RAB2A: variants seen among roughly 807,000 people sequenced by gnomAD.
RAB2A encodes ras-related protein Rab-2A.
A neutral mutation model predicts 32.5 loss-of-function variants in RAB2A; 7 were observed. That is an observed-to-expected ratio of 0.22 (90% CI 0.12 to 0.40). The LOEUF is 0.40. RAB2A is among the 10% of genes least tolerant of loss of function. The pLI, the probability that RAB2A is intolerant of heterozygous loss-of-function variation, is 1.00. For missense variants in RAB2A, 108 were observed against 260.7 expected (o/e 0.41, Z 4.03); for synonymous variants, 79 against 85.2 (o/e 0.93, Z 0.40).
intron 2 of RAB2A, among the ~76,000 whole-genome samples, chr8:60,561,806 A>G (rs971712272): frequency 6.6e-6 from 1 of 152,194 alleles, no homozygotes; most frequent in Admixed American, 6.5e-5. Context: ...TCGTAGGAGC[A>G]ATCTGGGTGA....
chr8:60,603,958 C>G (rs1804180875), intron 6 of RAB2A, among the ~76,000 whole-genome samples: 1 of 152,158 alleles, frequency 6.6e-6, no homozygotes, highest in Admixed American at 6.5e-5. Flanking sequence ...GGGTTTGGAT[C>G]TGTGTCCCTG....
At chr8:60,584,022 G>A (rs773591611) in intron 3 of RAB2A, 186 bp from the exon 4 acceptor site, 20 of 508,412 alleles carry the variant, frequency 3.9e-5, no homozygotes, top group Non-Finnish European at 2.9e-5. Flanking sequence ...TGTGCGTCTC[G>A]TTGACTTGAG....
intron 1 of RAB2A, among the ~76,000 whole-genome samples, chr8:60,545,237 A>G (rs1011492360): frequency 3.9e-5 from 6 of 152,202 alleles, no homozygotes; most frequent in Non-Finnish European, 5.9e-5. Context: ...AGAGGACTTA[A>G]TTAGATTCTT....
chr8:60,525,005 T>C (rs1807357661), intron 1 of RAB2A, among the ~76,000 whole-genome samples: 2 of 152,216 alleles, frequency 1.3e-5, no homozygotes, highest in African/African-American at 4.8e-5. Context: ...CTACACCATA[T>C]CAAAAGCTTA....
intron 2 of RAB2A, 159 bp downstream of exon 2, chr8:60,559,082 G>A: frequency 1.8e-6 from 1 of 561,800 alleles, no homozygotes; most frequent in South Asian, 2.4e-5. Flanking sequence ...AATATGTGTA[G>A]TAAAAATAAA....
chr8:60,583,024 T>C (rs1803787176), intron 3 of RAB2A, among the ~76,000 whole-genome samples: 2 of 144,908 alleles, frequency 1.4e-5, no homozygotes, highest in Admixed American at 6.9e-5. Context: ...AGCACACACT[T>C]AGTCACATGC....
intron 1 of RAB2A, among the ~76,000 whole-genome samples, chr8:60,526,627 T>A (rs1354749647): frequency 6.6e-6 from 1 of 152,154 alleles, no homozygotes; most frequent in Non-Finnish European, 1.5e-5. Flanking sequence ...GAGGGCATTT[T>A]TCCGCTTACC....
intron 6 of RAB2A, among the ~76,000 whole-genome samples, chr8:60,609,635 A>C (rs1804301486): frequency 6.6e-6 from 1 of 152,086 alleles, no homozygotes; most frequent in Non-Finnish European, 1.5e-5. Flanking sequence ...CCTAAACCTT[A>C]TCTTTGCCCA....
At chr8:60,531,069 T>C (rs367742208) in intron 1 of RAB2A, among the ~76,000 whole-genome samples, 1 of 152,256 alleles carries the variant, frequency 6.6e-6, no homozygotes, top group Admixed American at 6.5e-5. Flanking sequence ...TTTGTTTTTT[T>C]CCCCTAGCTT....
chr8:60,565,883 TG>T (rs1373554467), intron 2 of RAB2A, among the ~76,000 whole-genome samples: 1 of 151,740 alleles, frequency 6.6e-6, no homozygotes, highest in East Asian at 1.9e-4. Context: ...GATAATTTTT[TG>T]TGTTTCTTTC....
chr8:60,596,871 A>G (rs1235785857), intron 6 of RAB2A, among the ~76,000 whole-genome samples: 1 of 152,174 alleles, frequency 6.6e-6, no homozygotes, highest in African/African-American at 2.4e-5. Context: ...CAGTGAGCCA[A>G]GATCACACCA....
intron 1 of RAB2A, among the ~76,000 whole-genome samples, chr8:60,533,774 C>T (rs561916575): frequency 1.3e-4 from 20 of 152,046 alleles, no homozygotes; most frequent in Non-Finnish European, 2.2e-4. Flanking sequence ...AGTTCAAGAC[C>T]AGCCTGGCCA....
intron 6 of RAB2A, among the ~76,000 whole-genome samples, chr8:60,617,768 A>AGTG (rs974977233): frequency 6.6e-6 from 1 of 152,160 alleles, no homozygotes; most frequent in Admixed American, 6.5e-5. Flanking sequence ...TAAACAATTC[A>AGTG]GTGGTTTTTA....
intron 7 of RAB2A, among the ~76,000 whole-genome samples, chr8:60,619,983 C>T (rs7845892): frequency 0.02 from 3,040 of 152,352 alleles, 98 homozygotes; most frequent in African/African-American, 0.07. Flanking sequence ...GTGCCAGAAA[C>T]CCCAAGGCTA....
At position 60,517,061 on chromosome 8, in the gene RAB2A, C is replaced by A. The variant is rs559249110; in HGVS notation, c.-147C>A. Reference sequence around the variant, plus strand: ...GTCAGTTCGTCCGGCTTCCTCACAGCCCCTCACTCCCGGCGGCTGACAGCA... The same window carrying A: ...GTCAGTTCGTCCGGCTTCCTCACAGACCCTCACTCCCGGCGGCTGACAGCA... On this transcript the variant is annotated 5_prime_UTR_variant, in exon 1 of 8. Transcript: ENST00000262646. 6.9e-6 allele frequency: 5 copies of A among 727,078 alleles called. No individual in the cohort carries two copies. The allele number at this position is 727,078 out of a possible 1,614,324, so 45.0% of individuals were successfully genotyped here.
chr8:60,601,372 C>T (rs1314454667), intron 6 of RAB2A, among the ~76,000 whole-genome samples: 1 of 151,714 alleles, frequency 6.6e-6, no homozygotes, highest in Non-Finnish European at 1.5e-5. Context: ...TGGAGTGTCG[C>T]TCTCACCCAG....
At chr8:60,545,485 C>T (rs1245193132) in intron 1 of RAB2A, among the ~76,000 whole-genome samples, 2 of 152,072 alleles carry the variant, frequency 1.3e-5, no homozygotes, top group Non-Finnish European at 2.9e-5. Flanking sequence ...CCATGTTGCC[C>T]AGGCTGGTCA....
intron 6 of RAB2A, among the ~76,000 whole-genome samples, chr8:60,611,886 TAA>T (rs1804354705): frequency 6.6e-6 from 1 of 152,216 alleles, no homozygotes; most frequent in African/African-American, 2.4e-5. Context: ...TTAAAACTAT[TAA>T]GTTTACATAG....
chr8:60,583,620 C>CA (rs1447027135), intron 3 of RAB2A, among the ~76,000 whole-genome samples: 8 of 152,134 alleles, frequency 5.3e-5, no homozygotes, highest in African/African-American at 1.9e-4. Flanking sequence ...AATGATTGCT[C>CA]AAAGAATTCC....
Sources: gnomAD v4.1 joint callset for allele counts (sites outside exome capture counted in the v4.1 genomes callset) on GRCh38, gnomAD v4.1.1 for gene constraint, MANE v1.5 for transcripts, NCBI Gene and HGNC (gene_info 2026-07-23, HGNC 2026-07-21) for gene names.